Variants in SUMF1 observed in about 807,000 individuals in gnomAD.
SUMF1 encodes the protein formylglycine-generating enzyme.
A neutral mutation model predicts 47.6 loss-of-function variants in SUMF1; 48 were observed. The ratio of observed to expected loss-of-function variants is 1.01; its 90% confidence interval spans 0.80 to 1.28. The LOEUF (loss-of-function observed/expected upper bound fraction) is 1.28. Ranked by LOEUF, SUMF1 falls within the 50% of genes most tolerant of loss-of-function variation. The pLI, the probability that SUMF1 is intolerant of heterozygous loss-of-function variation, is 0.00. For synonymous variants in SUMF1, 230 were observed against 192.1 expected (o/e 1.20, Z -1.63); for missense variants, 571 against 485.4 (o/e 1.18, Z -1.66).
At position 4,452,977 on chromosome 3, in the gene SUMF1, G is replaced by T; in HGVS notation, c.343C>A (p.Pro115Thr). Reference sequence around the variant, plus strand: ...GCATCAATAGTAACTCTCCTCGCAGGTGCTTCCCCATCCTGCTTTATCTGA... The same window carrying T: ...GCATCAATAGTAACTCTCCTCGCAGTTGCTTCCCCATCCTGCTTTATCTGA... The part of the protein sequence containing the change: ...DPQIKQDGEA[P>T]ARRVTIDAFY... Residue 115 changes from proline (P) to threonine (T), a missense_variant, in exon 2 of 9, where the codon CCT becomes ACT. Coordinates refer to ENST00000272902, the MANE Select transcript of SUMF1 (RefSeq NM_182760.4). The T allele has an allele frequency of 6.2e-7, 1 of 1,614,076 alleles. No individual in the cohort carries two copies. The highest frequency in any genetic ancestry group is 8.5e-7 in the Non-Finnish European group (1 of 1,180,032).
intron 8 of SUMF1, among the ~76,000 whole-genome samples, chr3:4,105,048 G>C (rs973005630): frequency 6.6e-6 from 1 of 152,108 alleles, no homozygotes; most frequent in East Asian, 1.9e-4. Flanking sequence ...TTAAGCTTTT[G>C]TTTTTAAAAG....
At chr3:4,347,442 T>C (rs940897152) in intron 8 of SUMF1, among the ~76,000 whole-genome samples, 5 of 152,194 alleles carry the variant, frequency 3.3e-5, no homozygotes, top group East Asian at 1.9e-4. Flanking sequence ...CACATGATTA[T>C]CTCAATAGAT....
At chr3:4,247,783 G>C (rs747457314) in intron 8 of SUMF1, among the ~76,000 whole-genome samples, 6 of 152,132 alleles carry the variant, frequency 3.9e-5, no homozygotes, top group Non-Finnish European at 7.4e-5. Context: ...ATCCAGACAA[G>C]TCCTTACAAA....
intron 8 of SUMF1, among the ~76,000 whole-genome samples, chr3:4,338,658 G>C (rs984225628): frequency 2.0e-5 from 3 of 152,022 alleles, no homozygotes; most frequent in Non-Finnish European, 4.4e-5. Context: ...GGTCTCATAA[G>C]GGAAAAACCA....
chr3:4,443,850 A>T (rs980090448), intron 3 of SUMF1, among the ~76,000 whole-genome samples: 1 of 152,168 alleles, frequency 6.6e-6, no homozygotes, highest in African/African-American at 2.4e-5. Flanking sequence ...GAATTATGTA[A>T]AGAAAGATAT....
At chr3:4,096,880 C>G (rs1446294855) in intron 8 of SUMF1, among the ~76,000 whole-genome samples, 1 of 152,006 alleles carries the variant, frequency 6.6e-6, no homozygotes, top group Non-Finnish European at 1.5e-5. Context: ...GGAGAACAGG[C>G]TCAGTGTTCC....
chr3:4,204,924 A>G (rs758510454), intron 8 of SUMF1, among the ~76,000 whole-genome samples: 4 of 152,088 alleles, frequency 2.6e-5, no homozygotes, highest in Non-Finnish European at 5.9e-5. Context: ...CTTCCTCAAA[A>G]CAGCTATTTT....
At chr3:4,051,168 A>C (rs1695104967) in intron 9 of SUMF1, among the ~76,000 whole-genome samples, 1 of 151,960 alleles carries the variant, frequency 6.6e-6, no homozygotes, top group Non-Finnish European at 1.5e-5. Flanking sequence ...CAGTGGAAGA[A>C]AGCTCCTAAA....
chr3:4,298,355 C>A (rs1697900871), intron 8 of SUMF1, among the ~76,000 whole-genome samples: 1 of 152,192 alleles, frequency 6.6e-6, no homozygotes, highest in African/African-American at 2.4e-5. Context: ...AGCCTGCAAA[C>A]ATCCTCTCAT....
intron 8 of SUMF1, among the ~76,000 whole-genome samples, chr3:4,225,295 AG>A (rs1696149734): frequency 6.6e-6 from 1 of 152,134 alleles, no homozygotes; most frequent in Non-Finnish European, 1.5e-5. Flanking sequence ...CACAGGCCTC[AG>A]GAGCTCAGTC....
intron 8 of SUMF1, among the ~76,000 whole-genome samples, chr3:4,150,390 C>A (rs534480714): frequency 6.6e-6 from 1 of 151,446 alleles, no homozygotes; most frequent in African/African-American, 2.4e-5. Context: ...GGTGAAATCC[C>A]GTCTCTACTA....
intron 8 of SUMF1, among the ~76,000 whole-genome samples, chr3:4,177,457 T>G (rs1441903312): frequency 6.6e-6 from 1 of 152,052 alleles, no homozygotes; most frequent in Non-Finnish European, 1.5e-5. Flanking sequence ...AATAATGAAA[T>G]GAAGGCACAA....
At chr3:4,434,429 A>G (rs369015961) in intron 3 of SUMF1, among the ~76,000 whole-genome samples, 32 of 152,274 alleles carry the variant, frequency 2.1e-4, no homozygotes, top group African/African-American at 7.5e-4. Flanking sequence ...ACATCATTGT[A>G]GCTTGGCAGA....
At chr3:4,120,516 T>C (rs1693515870) in intron 8 of SUMF1, among the ~76,000 whole-genome samples, 1 of 152,162 alleles carries the variant, frequency 6.6e-6, no homozygotes, top group Non-Finnish European at 1.5e-5. Flanking sequence ...ATCTTCTTTG[T>C]CTACCTGTTG....
intron 8 of SUMF1, among the ~76,000 whole-genome samples, chr3:4,278,069 A>C (rs1248889245): frequency 6.6e-6 from 1 of 152,128 alleles, no homozygotes; most frequent in Non-Finnish European, 1.5e-5. Flanking sequence ...GTATTTTAAC[A>C]TGTTAATTGA....
chr3:4,125,030 A>G (rs1319823744), intron 8 of SUMF1, among the ~76,000 whole-genome samples: 3 of 152,156 alleles, frequency 2.0e-5, no homozygotes, highest in Non-Finnish European at 4.4e-5. Context: ...CCCACTGAAA[A>G]CAGTTGTAAA....
chr3:4,351,834 C>G (rs1011267148), intron 8 of SUMF1, among the ~76,000 whole-genome samples: 3 of 152,136 alleles, frequency 2.0e-5, no homozygotes, highest in African/African-American at 7.2e-5. Context: ...TAAAGCAGGT[C>G]AAAGGTTTAC....
intron 9 of SUMF1, among the ~76,000 whole-genome samples, chr3:4,038,583 T>C (rs558834318): frequency 7.2e-5 from 11 of 152,236 alleles, no homozygotes; most frequent in African/African-American, 2.2e-4. Context: ...TGGTGTGAGC[T>C]TGGGGCTCCA....
chr3:4,091,544 C>G lies in SUMF1; in HGVS notation c.1015-22799G>C, dbSNP rs375618970. Among the ~76,000 whole-genome samples, 176 of 152,174 alleles carry G rather than the reference C, an allele frequency of 1.2e-3. 3 individuals carry two copies. The Middle Eastern group carries it at 0.02, about 18-fold the overall frequency. On this transcript the variant is annotated intron_variant and NMD_transcript_variant, in intron 8 of 12. Transcript: ENST00000448413. ...TGTACAAATTGAATATTCAGTTAAACAATTACAAGGTTGTCACACTGTTGA... is the reference window on the plus strand; with the variant it reads ...TGTACAAATTGAATATTCAGTTAAAGAATTACAAGGTTGTCACACTGTTGA...
Sources: gnomAD v4.1 joint callset for allele counts (sites outside exome capture counted in the v4.1 genomes callset) on GRCh38, gnomAD v4.1.1 for gene constraint, MANE v1.5 for transcripts, NCBI Gene and HGNC (gene_info 2026-07-23, HGNC 2026-07-21) for gene names.